Variants in CYP2S1 observed in about 807,000 individuals in gnomAD.
The protein encoded by CYP2S1 is cytochrome P450 family 2 subfamily S member 1.
CYP2S1 carries 32 observed loss-of-function variants against 43.5 expected under a neutral mutation model. The observed-to-expected ratio is 0.74, with a 90% CI of 0.56 to 0.99. CYP2S1 has a LOEUF of 0.99. Ranked by LOEUF, CYP2S1 falls within the 50% of genes least tolerant of loss-of-function variation. The pLI is 0.00. For missense variants in CYP2S1, 575 were observed against 673.9 expected (o/e 0.85, Z 1.62); for synonymous variants, 283 against 302.9 (o/e 0.93, Z 0.68).
intron 7 of CYP2S1, among the ~76,000 whole-genome samples, chr19:41,205,459 C>CTT (rs10658137): frequency 0.34 from 49,723 of 147,062 alleles, 10,887 homozygotes; most frequent in African/African-American, 0.62. Flanking sequence ...TTCTTTCTCT[C>CTT]TCTCTCTCTT....
At chr19:41,194,437 G>T in intron 1 of CYP2S1, 107 bp from the exon 2 acceptor site, 1 of 1,388,060 alleles carries the variant, frequency 7.2e-7, no homozygotes, top group Non-Finnish European at 9.6e-7. Context: ...CTGGTAGAGG[G>T]CGTAGAAGCT....
rs750002392 is a variant in CYP2S1 at position 41,198,934 on chromosome 19, C to T, written c.834+46C>T. The stretch of plus-strand genomic sequence containing the variant: ...CCCCCTCTCTGAATGGGCGTGGTGA[C>T]CTGGCAGGTCCCCAGCCAGGTGTCC... On this transcript the variant is annotated intron_variant, in intron 5 of 8. Coordinates refer to ENST00000310054, the MANE Select transcript of CYP2S1 (RefSeq NM_030622.8). This position sits in a 1 kb window ranked among gnomAD's most constrained non-coding sequence, Gnocchi z 4.9. The T allele has an allele frequency of 7.0e-6, 11 of 1,562,960 alleles. No individual in the cohort carries two copies. Among genetic ancestry groups the T allele is most frequent in the Non-Finnish European group, 8.7e-6 (10 of 1,150,958 alleles).
Position 41,206,245 on chromosome 19 carries a change from T to G in CYP2S1, c.1307-35T>G, listed in dbSNP as rs755835972. ...CCGTGGGCCTGGGTGTGAGGAATAC[T>G]GACTCAGCCCTCTCTCTCTCTCTCT... On this transcript the variant is annotated intron_variant, in intron 8 of 8. Transcript: ENST00000310054. The G allele has an allele frequency of 3.7e-6, 6 of 1,609,528 alleles. No homozygotes were observed. The Admixed American group carries it at 1.0e-4, about 27-fold the overall frequency.
In CYP2S1 at chr19:41,206,049, A is replaced by G. The variant is rs1344162316; in HGVS notation, c.1256A>G (p.Asp419Gly). Residue 419 changes from aspartate (D) to glycine (G), a missense_variant, in exon 8 of 9, where the codon GAT becomes GGT. Transcript: ENST00000310054. ...PEEFNPDRFL[D>G]ADGRFRKHEA... ...GAGTTCAACCCAGACCGTTTCCTGG[A>G]TGCAGATGGACGGTTCAGGAAGCAT... The G allele has an allele frequency of 6.2e-7, 1 of 1,614,084 alleles. No individual in the cohort carries two copies. The highest frequency in any genetic ancestry group is 8.5e-7 in the Non-Finnish European group (1 of 1,180,012).
intron 6 of CYP2S1, among the ~76,000 whole-genome samples, 199 bp downstream of exon 6, chr19:41,201,571 G>A (rs1599714568): frequency 6.6e-6 from 1 of 152,038 alleles, no homozygotes; most frequent in Non-Finnish European, 1.5e-5. Context: ...CGGGTGTGGT[G>A]GCATGCACTT....
At position 41,198,014 on chromosome 19, in the gene CYP2S1, G is replaced by C. The variant is rs1448131886; in HGVS notation, c.493+86G>C. 6.7e-7 allele frequency: 1 copy of C among 1,481,950 alleles called. No individual in the cohort carries two copies. The highest frequency in any genetic ancestry group is 9.0e-7 in the Non-Finnish European group (1 of 1,116,380). 91.8% of individuals were successfully genotyped at this position (1,481,950 alleles called of 1,614,324 possible). A position where few individuals can be genotyped will look rare whatever the true frequency, so the allele number is the denominator to read the frequency against. ...GTGGCTGGGGGTGGCCCCAACCCAG[G>C]TCCTGGAATGGGCAGGAGGGGAAGC... On this transcript the variant is annotated intron_variant, in intron 3 of 8. Coordinates refer to ENST00000310054, the MANE Select transcript of CYP2S1 (RefSeq NM_030622.8). The surrounding 1 kb of genome is among the most constrained non-coding windows in gnomAD (Gnocchi z 4.9).
In CYP2S1 at chr19:41,193,310, C is replaced by T. The variant is rs1257980560; in HGVS notation, c.46C>T (p.Leu16Phe). The T allele has an allele frequency of 2.6e-6, 4 of 1,541,874 alleles. No individual in the cohort carries two copies. In the South Asian group the frequency reaches 4.8e-5, roughly 18 times the overall value. The stretch of plus-strand genomic sequence containing the variant: ...GGCGCTGCTGCTGGCGCTGGCGCTG[C>T]TCCTGCTGCTGACGCTGGCGCTGTC... Reference protein sequence around the residue: ...TWALLLALALLLLLTLALSGT... With the variant: ...TWALLLALALFLLLTLALSGT... Residue 16 changes from leucine (L) to phenylalanine (F), a missense_variant, in exon 1 of 9, where the codon CTC becomes TTC. This residue lies in a region of CYP2S1 where 353 missense variants were observed against 367.6 expected (regional missense o/e 0.96). Coordinates refer to ENST00000310054, the MANE Select transcript of CYP2S1 (RefSeq NM_030622.8).
rs781159687 is a variant in CYP2S1 at position 41,205,382 on chromosome 19, C to CTTTCTTTCTT, written c.1165-575_1165-574insTTCTTTCTTT. The stretch of plus-strand genomic sequence containing the variant: ...TCTTTCTTTCTTTCTTTCTTTCTTT[C>CTTTCTTTCTT]TCTCTCTCTCTTTCTTTCTCTCTTT... On this transcript the variant is annotated intron_variant, in intron 7 of 8. Coordinates refer to ENST00000310054, the MANE Select transcript of CYP2S1 (RefSeq NM_030622.8). Among the ~76,000 whole-genome samples, 411 of 72,138 alleles carry CTTTCTTTCTT rather than the reference C, an allele frequency of 5.7e-3. 4 individuals are homozygous for CTTTCTTTCTT. The highest frequency in any genetic ancestry group is 0.026 in the African/African-American group (366 of 13,902). The allele number at this position is 72,138 out of a possible 152,430, so 47.3% of individuals were successfully genotyped here. A position where few individuals can be genotyped will look rare whatever the true frequency, so the allele number is the denominator to read the frequency against.
chr19:41,205,878 C>G, intron 7 of CYP2S1, 80 bp from the exon 8 acceptor site: 1 of 1,538,652 alleles, frequency 6.5e-7, no homozygotes, highest in Non-Finnish European at 8.8e-7. Flanking sequence ...CCCTGGCACC[C>G]GAGACTTGTA....
At position 41,198,458 on chromosome 19, in the gene CYP2S1, C is replaced by T; in HGVS notation, c.494-4C>T. The T allele has an allele frequency of 1.9e-6, 3 of 1,613,710 alleles. No individual in the cohort carries two copies. The highest frequency in any genetic ancestry group is 2.2e-5 in the East Asian group (1 of 44,870). On this transcript the variant is annotated splice_polypyrimidine_tract_variant and splice_region_variant and intron_variant, in intron 3 of 8. Coordinates refer to ENST00000310054, the MANE Select transcript of CYP2S1 (RefSeq NM_030622.8). This position sits in a 1 kb window ranked among gnomAD's most constrained non-coding sequence, Gnocchi z 4.9. Reference sequence around the variant, plus strand: ...GCCTACCTCCCTGCCCCCATTCCCCCCAGGACGCCCATTCGATCCCTCCCT... The same window carrying T: ...GCCTACCTCCCTGCCCCCATTCCCCTCAGGACGCCCATTCGATCCCTCCCT...
At position 41,198,052 on chromosome 19, in the gene CYP2S1, G is replaced by T; in HGVS notation, c.493+124G>T. The T allele has an allele frequency of 7.4e-7, 1 of 1,345,430 alleles. No homozygotes were observed. The highest frequency in any genetic ancestry group is 9.9e-7 in the Non-Finnish European group (1 of 1,013,038). The allele number at this position is 1,345,430 out of a possible 1,614,324, so 83.3% of individuals were successfully genotyped here. A position where few individuals can be genotyped will look rare whatever the true frequency, so the allele number is the denominator to read the frequency against. On this transcript the variant is annotated intron_variant, in intron 3 of 8. Coordinates refer to ENST00000310054, the MANE Select transcript of CYP2S1 (RefSeq NM_030622.8). This position sits in a 1 kb window ranked among gnomAD's most constrained non-coding sequence, Gnocchi z 4.9. ...CAGGAGGGGAAGCCTTGAACTCTAG[G>T]GCTGGCCTGGGGGTTCTGTTCACTG...
chr19:41,199,970 CAAAAAAA>C (rs111678293), intron 5 of CYP2S1, among the ~76,000 whole-genome samples: 2 of 89,094 alleles, frequency 2.2e-5, no homozygotes, highest in Admixed American at 1.3e-4. Flanking sequence ...AATTCCATCT[CAAAAAAA>C]AAAAAAAAGA....
chr19:41,198,448 C>T lies in CYP2S1; in HGVS notation c.494-14C>T. On this transcript the variant is annotated splice_polypyrimidine_tract_variant and intron_variant, in intron 3 of 8. Transcript: ENST00000310054. This position sits in a 1 kb window ranked among gnomAD's most constrained non-coding sequence, Gnocchi z 4.9. ...CTCCATCACAGCCTACCTCCCTGCC[C>T]CCATTCCCCCCAGGACGCCCATTCG... 1 of 1,613,038 alleles carries T rather than the reference C, an allele frequency of 6.2e-7. No homozygotes were observed. The highest frequency in any genetic ancestry group is 8.5e-7 in the Non-Finnish European group (1 of 1,179,478).
intron 2 of CYP2S1, among the ~76,000 whole-genome samples, chr19:41,196,681 G>A (rs1473380547): frequency 2.0e-5 from 3 of 152,142 alleles, no homozygotes; most frequent in Non-Finnish European, 4.4e-5. Flanking sequence ...AGACACCCAA[G>A]GGGAAGTGCC....
chr19:41,194,875 G>T (rs1471322271), intron 2 of CYP2S1, among the ~76,000 whole-genome samples, 166 bp downstream of exon 2: 1 of 152,096 alleles, frequency 6.6e-6, no homozygotes, highest in African/African-American at 2.4e-5. Context: ...CAACACTTTG[G>T]GAGGCGGAGG....
intron 7 of CYP2S1, among the ~76,000 whole-genome samples, 166 bp downstream of exon 7, chr19:41,203,803 C>A (rs2033525547): frequency 6.6e-6 from 1 of 151,948 alleles, no homozygotes; most frequent in Non-Finnish European, 1.5e-5. Context: ...CTCCTCCACT[C>A]CTACCCCCCT....
chr19:41,205,948 T>G lies in CYP2S1; in HGVS notation c.1165-10T>G. The G allele has an allele frequency of 6.2e-7, 1 of 1,612,310 alleles. No individual in the cohort carries two copies. Among genetic ancestry groups the G allele is most frequent in the Non-Finnish European group, 8.5e-7 (1 of 1,179,068 alleles). On this transcript the variant is annotated splice_polypyrimidine_tract_variant and intron_variant, in intron 7 of 8. Transcript: ENST00000310054. ...AAGGGGTTTATAGTTTCATTATTAT[T>G]TCCCCTCAGGGCACGGAGGTCTTCC...
intron 6 of CYP2S1, among the ~76,000 whole-genome samples, chr19:41,202,734 A>G (rs1474596477): frequency 6.6e-6 from 1 of 151,734 alleles, no homozygotes; most frequent in Non-Finnish European, 1.5e-5. Flanking sequence ...GATGAAGGCT[A>G]TTACAGTGAG....
chr19:41,207,197 C>G lies in CYP2S1; in HGVS notation c.*709C>G. Reference sequence around the variant, plus strand: ...CCCTCAGTCACCCCTTTTTAAGCACCCTGATTCTACCAAATGCAAACACAT... The same window carrying G: ...CCCTCAGTCACCCCTTTTTAAGCACGCTGATTCTACCAAATGCAAACACAT... On this transcript the variant is annotated 3_prime_UTR_variant, in exon 9 of 9. Transcript: ENST00000310054. 7.8e-6 allele frequency: 2 copies of G among 257,802 alleles called. No individual in the cohort carries two copies. The highest frequency in any genetic ancestry group is 9.1e-5 in the East Asian group (1 of 10,976). The allele number at this position is 257,802 out of a possible 1,614,324, so 16.0% of individuals were successfully genotyped here. A position where few individuals can be genotyped will look rare whatever the true frequency, so the allele number is the denominator to read the frequency against.
Sources: allele counts gnomAD v4.1 joint callset (sites outside exome capture counted in the v4.1 genomes callset), GRCh38; gene constraint gnomAD v4.1.1; regional missense constraint gnomAD v4.1.1; non-coding constraint Gnocchi (gnomAD v3.1); transcripts MANE v1.5; gene names NCBI Gene and HGNC (gene_info 2026-07-23, HGNC 2026-07-21).